NAXD: variants seen among roughly 807,000 people sequenced by gnomAD.
NAXD encodes NAD(P)HX dehydratase, also known as ATP-dependent (S)-NAD(P)H-hydrate dehydratase.
Under a neutral mutation model 35.8 loss-of-function variants are expected in NAXD, and 22 were observed. The observed-to-expected ratio is 0.62, with a 90% CI of 0.44 to 0.88. The LOEUF (loss-of-function observed/expected upper bound fraction) is 0.88, where lower values mean the gene tolerates loss of function less well. Ranked by LOEUF, NAXD falls within the 40% of genes least tolerant of loss-of-function variation. The pLI is 0.00. For missense variants in NAXD, 428 were observed against 437.7 expected (o/e 0.98, Z 0.20); for synonymous variants, 189 against 177.6 (o/e 1.06, Z -0.51).
chr13:110,638,199 G>T lies in NAXD; in HGVS notation c.840-179G>T. Reference sequence around the variant, plus strand: ...GCCTCCTGCCAGGGAGTAGTGGAGGGTTAATGGTGGTTTTCGCTGTGATAA... The same window carrying T: ...GCCTCCTGCCAGGGAGTAGTGGAGGTTTAATGGTGGTTTTCGCTGTGATAA... On this transcript the variant is annotated intron_variant, in intron 9 of 9. Transcript: ENST00000680254. The surrounding 1 kb of genome is among the most constrained non-coding windows in gnomAD (Gnocchi z 5.4). 3.3e-6 allele frequency: 5 copies of T among 1,524,598 alleles called. No homozygotes were observed. Among genetic ancestry groups the T allele is most frequent in the Non-Finnish European group, 4.4e-6 (5 of 1,134,314 alleles). The allele number at this position is 1,524,598 out of a possible 1,614,324, so 94.4% of individuals were successfully genotyped here.
At chr13:110,631,350 G>A (rs931098978) in intron 5 of NAXD, among the ~76,000 whole-genome samples, 1 of 152,176 alleles carries the variant, frequency 6.6e-6, no homozygotes, top group Non-Finnish European at 1.5e-5. Context: ...CATCAGTGGT[G>A]TCCTGAATCT....
chr13:110,635,514 G>C lies in NAXD; in HGVS notation c.644G>C (p.Arg215Thr). The C allele has an allele frequency of 2.5e-6, 4 of 1,614,180 alleles. No homozygotes were observed. The highest frequency in any genetic ancestry group is 3.4e-6 in the Non-Finnish European group (4 of 1,180,018). Residue 215 changes from arginine to threonine, a missense_variant, in exon 8 of 10, where the codon AGA becomes ACA. Coordinates refer to ENST00000680254, the MANE Select transcript of NAXD (RefSeq NM_001242882.2). ...DSDDSHGSVL[R>T]LSQALGNVTV... ...GATGACAGCCATGGATCTGTGCTAA[G>C]ACTCAGCCAAGCCCTGGGCAACGTG...
chr13:110,616,392 G>C (rs533471312), intron 1 of NAXD: 1 of 152,722 alleles, frequency 6.5e-6, no homozygotes, highest in African/African-American at 2.4e-5. Context: ...CACCAGCCAG[G>C]CCTCCTTCGC....
chr13:110,634,840 C>A, intron 7 of NAXD, 64 bp downstream of exon 7: 1 of 1,233,366 alleles, frequency 8.1e-7, no homozygotes, highest in South Asian at 1.2e-5. Context: ...GGGTGAAGGA[C>A]GAGCTCCATG....
In NAXD at chr13:110,635,605, C is replaced by T. The variant is rs748419598; in HGVS notation, c.718+17C>T. On this transcript the variant is annotated intron_variant, in intron 8 of 9. Coordinates refer to ENST00000680254, the MANE Select transcript of NAXD (RefSeq NM_001242882.2). ...GCCAGCAGGGTGAGTGGCGGCTGCC[C>T]TCTGTGCATGGGCCAGTGCCAGGTC... 85 of 1,612,976 alleles carry T rather than the reference C, an allele frequency of 5.3e-5. No individual in the cohort carries two copies. The highest frequency in any genetic ancestry group is 6.7e-5 in the Non-Finnish European group (79 of 1,179,746).
At chr13:110,634,044 C>T (rs953074085) in intron 5 of NAXD, among the ~76,000 whole-genome samples, 5 of 152,192 alleles carry the variant, frequency 3.3e-5, no homozygotes, top group African/African-American at 7.2e-5. Flanking sequence ...CAGTGGGCTT[C>T]GCCTTTCAGA....
chr13:110,631,166 T>C (rs1886682198), intron 5 of NAXD, among the ~76,000 whole-genome samples: 1 of 152,214 alleles, frequency 6.6e-6, no homozygotes, highest in African/African-American at 2.4e-5. Context: ...TCTTGACCAA[T>C]GCACCTGTCC....
chr13:110,632,493 A>G (rs1458437882), intron 5 of NAXD, among the ~76,000 whole-genome samples: 2 of 152,134 alleles, frequency 1.3e-5, no homozygotes, highest in African/African-American at 4.8e-5. Context: ...GGTAGAGCCG[A>G]GTGGCCTGTT....
At chr13:110,630,919 C>A (rs924139969) in intron 5 of NAXD, among the ~76,000 whole-genome samples, 3 of 152,198 alleles carry the variant, frequency 2.0e-5, no homozygotes, top group African/African-American at 7.2e-5. Context: ...GTGTAGGAAG[C>A]CTTGACGTCG....
At chr13:110,620,447 G>A (rs1214094385) in intron 1 of NAXD, among the ~76,000 whole-genome samples, 2 of 151,990 alleles carry the variant, frequency 1.3e-5, no homozygotes, top group African/African-American at 2.4e-5. Context: ...GGGCGTGGTG[G>A]CATGCGCCTG....
intron 5 of NAXD, among the ~76,000 whole-genome samples, chr13:110,633,173 C>T (rs573290435): frequency 5.3e-5 from 8 of 152,296 alleles, no homozygotes; most frequent in Admixed American, 1.3e-4. Flanking sequence ...GAGCCCTGCC[C>T]GGCGGGAAGG....
chr13:110,625,304 G>T (rs182048321), intron 4 of NAXD, 26 bp downstream of exon 4: 14 of 1,521,222 alleles, frequency 9.2e-6, no homozygotes, highest in Non-Finnish European at 1.1e-5. Context: ...CCGGCTTCTC[G>T]TAGGTTCTCT....
In NAXD at chr13:110,622,829, G is replaced by T. The variant is rs117814190; in HGVS notation, c.197+463G>T. Among the ~76,000 whole-genome samples, 1,441 of 152,260 alleles carry T rather than the reference G, an allele frequency of 9.5e-3. 29 individuals are homozygous for T. The highest frequency in any genetic ancestry group is 0.05 in the South Asian group (239 of 4,808). On this transcript the variant is annotated intron_variant, in intron 2 of 9. Transcript: ENST00000680254. ...GTAGCTGTTTGTAAGTTGTCCTTGG[G>T]TGTGAAGGATACCTTCTGCCTCTGA... is the stretch of plus-strand genomic sequence containing the variant.
chr13:110,627,686 G>A (rs1309608013), intron 5 of NAXD, 139 bp downstream of exon 5: 5 of 644,944 alleles, frequency 7.8e-6, no homozygotes, highest in African/African-American at 5.4e-5. Flanking sequence ...TTTGAGGGAC[G>A]GAGGAGAAAC....
intron 5 of NAXD, among the ~76,000 whole-genome samples, chr13:110,629,954 C>T (rs1217617384): frequency 6.6e-6 from 1 of 152,182 alleles, no homozygotes; most frequent in Admixed American, 6.5e-5. Flanking sequence ...GTTTGGTTTG[C>T]GTTTTCCTGG....
Position 110,627,480 on chromosome 13 carries a change from C to G in NAXD, c.374C>G (p.Pro125Arg), listed in dbSNP as rs1886532731. The G allele has an allele frequency of 6.2e-7, 1 of 1,613,952 alleles. No individual in the cohort carries two copies. The highest frequency in any genetic ancestry group is 8.5e-7 in the Non-Finnish European group (1 of 1,180,014). ...NAVHEVEKWL[P>R]RLHALVVGPG... is the part of the protein sequence containing the mutation. ...GTTCATGAGGTGGAGAAGTGGCTGC[C>G]CCGGCTGCATGCTCTTGTCGTAGGA... The change falls in exon 5 of 10, where the codon CCC (proline) becomes CGC (arginine). Residue 125 changes from proline (P) to arginine (R), a missense_variant. Transcript: ENST00000680254.
chr13:110,626,149 C>T (rs1886472773), intron 4 of NAXD, among the ~76,000 whole-genome samples: 3 of 151,640 alleles, frequency 2.0e-5, no homozygotes, highest in Non-Finnish European at 2.9e-5. Flanking sequence ...GTAAGCAGGG[C>T]AGGGCCAGTG....
In NAXD at chr13:110,634,570, G is replaced by A. The variant is rs765281476; in HGVS notation, c.467G>A (p.Arg156Lys). 6.2e-7 allele frequency: 1 copy of A among 1,614,232 alleles called. No individual in the cohort carries two copies. The highest frequency in any genetic ancestry group is 1.1e-5 in the South Asian group (1 of 91,082). ...VQGILEVSKA[R>K]DIPVVIDADG... Reference sequence around the variant, plus strand: ...GGCATTTTGGAAGTGTCAAAGGCCAGGGACATCCCTGTTGTCATCGACGCG... The same window carrying A: ...GGCATTTTGGAAGTGTCAAAGGCCAAGGACATCCCTGTTGTCATCGACGCG... Residue 156 changes from arginine to lysine, a missense_variant, in exon 6 of 10, where the codon AGG (arginine) becomes AAG (lysine). Physicochemically the swap from Arg to Lys is conservative, Grantham distance 26. Coordinates refer to ENST00000680254, the MANE Select transcript of NAXD (RefSeq NM_001242882.2).
intron 9 of NAXD, 63 bp downstream of exon 9, chr13:110,637,312 A>G (rs2139654440): frequency 6.3e-7 from 1 of 1,584,972 alleles, no homozygotes; most frequent in African/African-American, 1.3e-5. Flanking sequence ...CTGTTTCAGT[A>G]GCTCATGCGT....
Sources: gnomAD v4.1 joint callset for allele counts (sites outside exome capture counted in the v4.1 genomes callset) on GRCh38, gnomAD v4.1.1 for gene constraint, Gnocchi (gnomAD v3.1) non-coding constraint, MANE v1.5 for transcripts, NCBI Gene and HGNC (gene_info 2026-07-23, HGNC 2026-07-21) for gene names.